The following ANKRD36B variants were observed in gnomAD, a reference collection of about 807,000 sequenced individuals.
ANKRD36B encodes the protein ankyrin repeat domain-containing protein 36B.
In ANKRD36B, 37 loss-of-function variants were observed where a neutral mutation model predicts 135.7. The observed-to-expected ratio is 0.27, with a 90% CI of 0.21 to 0.36. ANKRD36B has a LOEUF of 0.36. Ranked by LOEUF, ANKRD36B falls within the 10% of genes least tolerant of loss-of-function variation. The pLI, the probability that ANKRD36B is intolerant of heterozygous loss-of-function variation, is 1.00. For synonymous variants in ANKRD36B, 179 were observed against 348.1 expected, an observed-to-expected ratio of 0.51 and a Z score of 5.41; for missense variants, 549 against 1,037.1, an observed-to-expected ratio of 0.53 and a Z score of 6.46.
chr2:97,565,862 GGGGTGTGT>G (rs1330937478), intron 6 of ANKRD36B, among the ~76,000 whole-genome samples: 4 of 145,202 alleles, frequency 2.8e-5, no homozygotes, highest in Non-Finnish European at 4.6e-5. Context: ...GCATATACTC[GGGGTGTGT>G]GTGTGTGTGT....
chr2:97,514,415 AT>A (rs1283842076), intron 37 of ANKRD36B, among the ~76,000 whole-genome samples: 1 of 89,898 alleles, frequency 1.1e-5, no homozygotes, highest in African/African-American at 4.9e-5. Flanking sequence ...CTTCACAGTA[AT>A]TACTCCTCAA....
intron 14 of ANKRD36B, 78 bp downstream of exon 14, chr2:97,554,982 C>A: frequency 6.6e-7 from 1 of 1,525,470 alleles, no homozygotes; most frequent in Non-Finnish European, 9.0e-7. Context: ...GATGAGCCCC[C>A]CCACTGATTT....
chr2:97,574,454 G>A (rs1183958635), intron 6 of ANKRD36B, among the ~76,000 whole-genome samples: 2 of 152,282 alleles, frequency 1.3e-5, no homozygotes, highest in South Asian at 2.1e-4. Context: ...CTGTAAACTA[G>A]TTCAACCATT....
intron 3 of ANKRD36B, among the ~76,000 whole-genome samples, chr2:97,581,846 AGGCTGGAGT>A (rs1215545343): frequency 6.6e-6 from 1 of 152,166 alleles, no homozygotes; most frequent in Non-Finnish European, 1.5e-5. Flanking sequence ...TCTGTCACCC[AGGCTGGAGT>A]GCAGTGGTGC....
chr2:97,550,077 T>C lies in ANKRD36B; in HGVS notation c.1376-463A>G, dbSNP rs1329494108. Among the ~76,000 whole-genome samples, 9 of 151,622 alleles carry C rather than the reference T, an allele frequency of 5.9e-5. No homozygotes were observed. In the South Asian group the frequency reaches 1.0e-3, roughly 18 times the overall value. On this transcript the variant is annotated intron_variant, in intron 18 of 43. Coordinates refer to ENST00000359901, the MANE Select transcript of ANKRD36B (RefSeq NM_001393939.1). ...GCCCAATAACTGAGAAGGCACACAATTGCAATGATACTTCAGTTAAACTTA... is the reference window on the plus strand; with the variant it reads ...GCCCAATAACTGAGAAGGCACACAACTGCAATGATACTTCAGTTAAACTTA...
intron 6 of ANKRD36B, 130 bp downstream of exon 6, chr2:97,576,246 GACT>G (rs1159790513): frequency 8.3e-6 from 2 of 241,744 alleles, no homozygotes; most frequent in Admixed American, 5.8e-5. Context: ...ATAAAATCTA[GACT>G]ACTAAGTATT....
At chr2:97,563,105 C>T (rs138764351) in intron 6 of ANKRD36B, among the ~76,000 whole-genome samples, 1 of 152,088 alleles carries the variant, frequency 6.6e-6, no homozygotes, top group African/African-American at 2.4e-5. Context: ...ACCCATAGCA[C>T]CACTATGTTT....
chr2:97,578,881 T>C (rs565306514), intron 5 of ANKRD36B, 25 bp downstream of exon 5: 18 of 1,607,100 alleles, frequency 1.1e-5, no homozygotes, highest in African/African-American at 1.3e-5. Context: ...TTAGTGTTCA[T>C]TAGCCTTTTT....
chr2:97,531,645 T>C lies in ANKRD36B; in HGVS notation c.2265+666A>G, dbSNP rs1324962168. Among the ~76,000 whole-genome samples, 7 of 96,556 alleles carry C rather than the reference T, an allele frequency of 7.2e-5. 2 individuals carry two copies. Among genetic ancestry groups the C allele is most frequent in the South Asian group, 2.3e-4 (1 of 4,274 alleles). The allele number at this position is 96,556 out of a possible 152,430, so 63.3% of individuals were successfully genotyped here. A position where few individuals can be genotyped will look rare whatever the true frequency, so the allele number is the denominator to read the frequency against. ...TGATTGACAGTGTTATATATTTATA[T>C]AGATTATAGGCTTAAGTTCTAAGGT... On this transcript the variant is annotated intron_variant, in intron 35 of 43. Transcript: ENST00000359901.
At position 97,530,455 on chromosome 2, in the gene ANKRD36B, G is replaced by T. The variant is rs1576841747; in HGVS notation, c.2265+1856C>A. On this transcript the variant is annotated intron_variant, in intron 35 of 43. Transcript: ENST00000359901. ...TAGACCTAAAACCATAAAAACCCTA[G>T]AAGAAAACCTAGGCATTACCATTCA... 2.1e-5 allele frequency among the ~76,000 whole-genome samples: 2 copies of T among 94,920 alleles called. 1 individual carries two copies. The highest frequency in any genetic ancestry group is 6.4e-5 in the African/African-American group (2 of 31,374). The allele number at this position is 94,920 out of a possible 152,430, so 62.3% of individuals were successfully genotyped here.
intron 5 of ANKRD36B, among the ~76,000 whole-genome samples, chr2:97,576,722 C>T (rs1292745547): frequency 2.6e-5 from 4 of 151,504 alleles, no homozygotes; most frequent in Non-Finnish European, 5.9e-5. Context: ...CTGGAAGGTC[C>T]TGGCTCTATA....
Position 97,551,343 on chromosome 2 carries a change from C to A in ANKRD36B, c.1321G>T (p.Asp441Tyr). Residue 441 changes from aspartate to tyrosine, a missense_variant, in exon 18 of 44, where the codon GAT becomes TAT. Transcript: ENST00000359901. Reference protein sequence around the residue: ...PALKATSDEKDSFSNITREKK... With the variant: ...PALKATSDEKYSFSNITREKK... ...TCTCTGGTTATATTCGAAAAAGAAT[C>A]TTTCTCATCACTTGTGGCCTGAATG... 1.3e-6 allele frequency: 2 copies of A among 1,590,400 alleles called. No homozygotes were observed. Among genetic ancestry groups the A allele is most frequent in the Non-Finnish European group, 8.5e-7 (1 of 1,171,102 alleles).
In ANKRD36B at chr2:97,528,491, G is replaced by T. The variant is rs558932290; in HGVS notation, c.2265+3820C>A. ...TGACACCCTAACATCACAATTAAAA[G>T]AACTAGAAAAGCAAGAGCAAACACA... On this transcript the variant is annotated intron_variant, in intron 35 of 43. Transcript: ENST00000359901. Among the ~76,000 whole-genome samples the T allele has an allele frequency of 4.6e-3, 419 of 91,848 alleles. 103 individuals are homozygous for T. The highest frequency in any genetic ancestry group is 0.013 in the African/African-American group (403 of 30,426). The allele number at this position is 91,848 out of a possible 152,430, so 60.3% of individuals were successfully genotyped here.
At chr2:97,546,517 T>A (rs1249063487) in intron 22 of ANKRD36B, among the ~76,000 whole-genome samples, 1 of 151,724 alleles carries the variant, frequency 6.6e-6, no homozygotes, top group African/African-American at 2.4e-5. Flanking sequence ...TCATCCACTC[T>A]TGGCACCAAA....
At chr2:97,578,650 T>A (rs1017150853) in intron 5 of ANKRD36B, among the ~76,000 whole-genome samples, 1 of 152,060 alleles carries the variant, frequency 6.6e-6, no homozygotes, top group African/African-American at 2.4e-5. Flanking sequence ...ATGGACAACA[T>A]TGGAATCCCT....
intron 43 of ANKRD36B, among the ~76,000 whole-genome samples, chr2:97,494,232 TAGGTAATAAGGTATA>T (rs1217201471): frequency 1.5e-5 from 1 of 67,834 alleles, no homozygotes; most frequent in Non-Finnish European, 3.4e-5. Context: ...TAGCTGAGAC[TAGGTAATAAGGTATA>T]AGGAACAGGT....
At chr2:97,582,242 T>C (rs927184930) in intron 3 of ANKRD36B, among the ~76,000 whole-genome samples, 3 of 152,236 alleles carry the variant, frequency 2.0e-5, no homozygotes, top group African/African-American at 7.2e-5. Flanking sequence ...TGATTATTTA[T>C]GGTATGTATA....
intron 20 of ANKRD36B, among the ~76,000 whole-genome samples, chr2:97,547,999 G>A (rs1434406300): frequency 2.0e-5 from 3 of 151,754 alleles, no homozygotes; most frequent in East Asian, 3.9e-4. Flanking sequence ...CAATATCAAC[G>A]TGGATATGCT....
intron 35 of ANKRD36B, among the ~76,000 whole-genome samples, chr2:97,529,310 T>C (rs1304139127): frequency 1.0e-5 from 1 of 96,020 alleles, no homozygotes; most frequent in East Asian, 2.3e-4. Flanking sequence ...AACCACATGA[T>C]TATCTCAATA....
Sources: gnomAD v4.1 joint callset for allele counts (sites outside exome capture counted in the v4.1 genomes callset) on GRCh38, gnomAD v4.1.1 for gene constraint, MANE v1.5 for transcripts, NCBI Gene and HGNC (gene_info 2026-07-23, HGNC 2026-07-21) for gene names.